SMIM13: variants seen among roughly 807,000 people sequenced by gnomAD.
SMIM13 encodes the protein UPF0766 protein C6orf228.
In SMIM13, 3 loss-of-function variants were observed where a neutral mutation model predicts 5.9. The observed-to-expected ratio is 0.51, with a 90% CI of 0.23 to 1.31. SMIM13 has a LOEUF of 1.31. Ranked by LOEUF, SMIM13 falls within the 40% of genes most tolerant of loss-of-function variation. SMIM13 has a pLI of 0.18. For missense variants in SMIM13, 85 were observed against 109.9 expected, an observed-to-expected ratio of 0.77 and a Z score of 1.01; for synonymous variants, 55 against 46.0, an observed-to-expected ratio of 1.19 and a Z score of -0.79.
chr6:11,103,828 G>C, intron 1 of SMIM13: 1 of 1,551,694 alleles, frequency 6.4e-7, no homozygotes, highest in Non-Finnish European at 8.7e-7. Context: ...AGGAGCAAAA[G>C]TAGGAGACTA....
intron 1 of SMIM13, among the ~76,000 whole-genome samples, chr6:11,107,090 AT>A (rs1210961840): frequency 6.6e-6 from 1 of 152,194 alleles, no homozygotes; most frequent in African/African-American, 2.4e-5. Context: ...ATCTAGCTCT[AT>A]CCCTGACAAA....
chr6:11,094,489 G>C, intron 1 of SMIM13, 100 bp downstream of exon 1: 2 of 918,516 alleles, frequency 2.2e-6, no homozygotes, highest in South Asian at 3.1e-5. Flanking sequence ...ACAAAAGGGC[G>C]TGGACGGACA....
chr6:11,099,307 T>C (rs1307299557), intron 1 of SMIM13, among the ~76,000 whole-genome samples: 1 of 152,110 alleles, frequency 6.6e-6, no homozygotes, highest in Non-Finnish European at 1.5e-5. Flanking sequence ...CCCGAGTAGC[T>C]GAGATTATAG....
At chr6:11,115,230 A>G (rs1471201511) in intron 1 of SMIM13, among the ~76,000 whole-genome samples, 5 of 152,232 alleles carry the variant, frequency 3.3e-5, no homozygotes, top group Admixed American at 1.3e-4. Context: ...ACAAATTCCC[A>G]TAAATTTAGC....
chr6:11,104,062 G>A (rs1400173177), intron 1 of SMIM13: 2 of 1,551,610 alleles, frequency 1.3e-6, no homozygotes, highest in East Asian at 2.4e-5. Context: ...AGTCCTCGAC[G>A]ATTTTGAAGG....
intron 1 of SMIM13, among the ~76,000 whole-genome samples, chr6:11,120,353 G>T (rs1281483783): frequency 6.6e-6 from 1 of 152,160 alleles, no homozygotes; most frequent in East Asian, 1.9e-4. Flanking sequence ...CAAGATCAAG[G>T]TACTGGCAGA....
intron 1 of SMIM13, among the ~76,000 whole-genome samples, chr6:11,123,118 G>C (rs1392196389): frequency 6.6e-6 from 1 of 152,072 alleles, no homozygotes. Flanking sequence ...CTGCTCCTGG[G>C]GCTGACACTT....
intron 1 of SMIM13, among the ~76,000 whole-genome samples, chr6:11,095,270 ATACT>A (rs1289203077): frequency 6.6e-6 from 1 of 152,356 alleles, no homozygotes; most frequent in Non-Finnish European, 1.5e-5. Context: ...GTACAAATTA[ATACT>A]TAGTGACGCT....
chr6:11,112,909 G>A (rs1324180508), intron 1 of SMIM13, among the ~76,000 whole-genome samples: 1 of 152,092 alleles, frequency 6.6e-6, no homozygotes, highest in Admixed American at 6.5e-5. Context: ...CTGGGTTCAA[G>A]CAATTCTCCT....
rs201709473 is a variant in SMIM13 at position 11,104,757 on chromosome 6, A to C, written c.76+10368A>C. 134 of 1,614,122 alleles carry C rather than the reference A, an allele frequency of 8.3e-5. 1 individual carries two copies. Among genetic ancestry groups the C allele is most frequent in the Admixed American group, 2.5e-4 (15 of 60,008 alleles). On this transcript the variant is annotated intron_variant, in intron 1 of 1. Transcript: ENST00000416247. ...GCAAAACCGGCTGGATTTATCTAGC[A>C]AAGTTCCCTGAGGAAAAGTAATATT...
intron 1 of SMIM13, among the ~76,000 whole-genome samples, chr6:11,096,345 C>T (rs555924443): frequency 3.3e-5 from 5 of 152,168 alleles, no homozygotes; most frequent in Non-Finnish European, 7.4e-5. Context: ...GCTGATCAGA[C>T]AGGAGGCGGA....
At chr6:11,108,691 C>T (rs888729218) in intron 1 of SMIM13, among the ~76,000 whole-genome samples, 2 of 152,194 alleles carry the variant, frequency 1.3e-5, no homozygotes, top group African/African-American at 2.4e-5. Flanking sequence ...TTTCCTACTC[C>T]TCCTGGTTTT....
intron 1 of SMIM13, among the ~76,000 whole-genome samples, chr6:11,128,612 AGTCCTT>A (rs796448001): frequency 7.2e-5 from 11 of 152,250 alleles, no homozygotes; most frequent in African/African-American, 2.6e-4. Context: ...TAGGAATTTT[AGTCCTT>A]GTGGCTTAGA....
chr6:11,106,542 G>A (rs1758086173), intron 1 of SMIM13, among the ~76,000 whole-genome samples: 1 of 152,170 alleles, frequency 6.6e-6, no homozygotes, highest in African/African-American at 2.4e-5. Flanking sequence ...GTTTCCATTG[G>A]TAGGCTTTAG....
rs914017384 is a variant in SMIM13 at position 11,135,984 on chromosome 6, A to G, written c.*1382A>G. The G allele has an allele frequency of 2.6e-5, 4 of 152,156 alleles. No individual in the cohort carries two copies. Among genetic ancestry groups the G allele is most frequent in the African/African-American group, 7.2e-5 (3 of 41,436 alleles). 9.4% of individuals were successfully genotyped at this position (152,156 alleles called of 1,614,324 possible). On this transcript the variant is annotated 3_prime_UTR_variant, in exon 2 of 2. Transcript: ENST00000416247. ...GGGGAATTTGATTCTGACTCTTACA[A>G]TGTTAAACTTGTAATCCTGTGTGAA...
chr6:11,111,643 C>T (rs1758168988), intron 1 of SMIM13: 1 of 152,278 alleles, frequency 6.6e-6, no homozygotes, highest in Non-Finnish European at 1.5e-5. Context: ...TGAACGCCTC[C>T]AGCCGAAGAA....
rs199511833 is a variant in SMIM13, at chr6:11,136,820, GAAA to G, written c.*2225_*2227del. On this transcript the variant is annotated 3_prime_UTR_variant, in exon 2 of 2. Transcript: ENST00000416247. ...AAATATCATCTTAAAATGATTATCAGAAAAAAAAATAATGCCCCCAAAAACTTT... is the reference window on the plus strand; with the variant it reads ...AAATATCATCTTAAAATGATTATCAGAAAAAATAATGCCCCCAAAAACTTT... The G allele has an allele frequency of 6.7e-6, 1 of 149,884 alleles. No homozygotes were observed. Among genetic ancestry groups the G allele is most frequent in the Admixed American group, 6.6e-5 (1 of 15,038 alleles). 9.3% of individuals were successfully genotyped at this position (149,884 alleles called of 1,614,324 possible).
intron 1 of SMIM13, among the ~76,000 whole-genome samples, chr6:11,097,849 G>C (rs752686478): frequency 3.9e-5 from 6 of 152,116 alleles, no homozygotes; most frequent in Non-Finnish European, 5.9e-5. Flanking sequence ...CCTTCTAGCG[G>C]TCACAAGCCC....
chr6:11,105,180 C>A (rs779832265), intron 1 of SMIM13: 9 of 1,614,156 alleles, frequency 5.6e-6, no homozygotes, highest in Non-Finnish European at 7.6e-6. Context: ...AGTACATAAC[C>A]AGCAATTGGT....
Sources: gnomAD v4.1 joint callset for allele counts (sites outside exome capture counted in the v4.1 genomes callset) on GRCh38, gnomAD v4.1.1 for gene constraint, MANE v1.5 for transcripts, NCBI Gene and HGNC (gene_info 2026-07-23, HGNC 2026-07-21) for gene names.